Variants in PDGFA observed in about 807,000 individuals in gnomAD.
PDGFA encodes platelet derived growth factor subunit A, also known as platelet-derived growth factor subunit A.
PDGFA carries 9 observed loss-of-function variants against 25.6 expected under a neutral mutation model. The ratio of observed to expected loss-of-function variants is 0.35; its 90% CI spans 0.21 to 0.61. The LOEUF is 0.61. PDGFA is among the 20% of genes least tolerant of loss of function. The pLI is 0.75. For synonymous variants in PDGFA, 133 were observed against 111.8 expected (o/e 1.19, Z -1.20); for missense variants, 242 against 272.8 (o/e 0.89, Z 0.79).
intron 4 of PDGFA, among the ~76,000 whole-genome samples, chr7:504,083 G>A (rs1438481647): frequency 6.6e-6 from 1 of 152,172 alleles, no homozygotes; most frequent in African/African-American, 2.4e-5. Context: ...CCACCCAGGA[G>A]TTGAGGAATA....
chr7:505,706 C>T (rs1360161407), intron 4 of PDGFA, among the ~76,000 whole-genome samples: 3 of 152,222 alleles, frequency 2.0e-5, no homozygotes, highest in Non-Finnish European at 4.4e-5. Context: ...AGGGAAGCCC[C>T]TTGCCCAGAG....
In PDGFA at chr7:517,074, C is replaced by A. The variant is rs113889062; in HGVS notation, c.160+320G>T. ...CGCCCAGGGTCTGGGCCGGATCCTG[C>A]CGCTCCCCCGGCCCGAGGGCAGGCG... On this transcript the variant is annotated intron_variant, in intron 2 of 5. Coordinates refer to ENST00000402802, the Ensembl canonical transcript of PDGFA. The surrounding 1 kb of genome is among the most constrained non-coding windows in gnomAD (Gnocchi z 7.4). Among the ~76,000 whole-genome samples the A allele has an allele frequency of 0.099, 14,999 of 151,476 alleles. 817 individuals carry two copies. The highest frequency in any genetic ancestry group is 0.13 in the Middle Eastern group (38 of 290).
chr7:499,345 C>G (rs1196978138), intron 5 of PDGFA, among the ~76,000 whole-genome samples: 2 of 152,242 alleles, frequency 1.3e-5, no homozygotes, highest in Admixed American at 1.3e-4. Context: ...GGACCTCACC[C>G]GCAGGCCCAA....
At chr7:510,256 C>T (rs895338376) in intron 4 of PDGFA, among the ~76,000 whole-genome samples, 2 of 151,616 alleles carry the variant, frequency 1.3e-5, no homozygotes, top group African/African-American at 4.8e-5. Flanking sequence ...CTTTCCCGCA[C>T]CCCCAGGTGC....
intron 2 of PDGFA, among the ~76,000 whole-genome samples, chr7:514,598 T>G (rs1424177931): frequency 2.0e-5 from 3 of 152,194 alleles, no homozygotes; most frequent in African/African-American, 7.2e-5. Context: ...CCTTTTGTCT[T>G]TTAGGCACAG....
At position 500,701 on chromosome 7, in the gene PDGFA, G is replaced by A. The variant is rs1193749010; in HGVS notation, c.580+415C>T. 9.7e-6 allele frequency: 14 copies of A among 1,443,614 alleles called. No individual in the cohort carries two copies. Among genetic ancestry groups the A allele is most frequent in the Non-Finnish European group, 1.2e-5 (13 of 1,104,272 alleles). The allele number at this position is 1,443,614 out of a possible 1,614,324, so 89.4% of individuals were successfully genotyped here. On this transcript the variant is annotated intron_variant, in intron 5 of 5. Transcript: ENST00000402802. This position sits in a 1 kb window ranked among gnomAD's most constrained non-coding sequence, Gnocchi z 5.0. ...AGAAGCCATTCTGCTCCTGGGTGGAGTCCGCGTGGCGGGGTGAAGGAGAGA... is the reference window on the plus strand; with the variant it reads ...AGAAGCCATTCTGCTCCTGGGTGGAATCCGCGTGGCGGGGTGAAGGAGAGA...
chr7:502,805 C>T (rs1208688007), intron 4 of PDGFA, among the ~76,000 whole-genome samples: 2 of 148,854 alleles, frequency 1.3e-5, no homozygotes, highest in East Asian at 4.0e-4. Flanking sequence ...CACACACACA[C>T]ACACATAATG....
chr7:501,354 G>T, intron 4 of PDGFA, 112 bp from the exon 5 acceptor site: 1 of 1,331,600 alleles, frequency 7.5e-7, no homozygotes, highest in South Asian at 1.2e-5. Flanking sequence ...CCTGACCCCT[G>T]ACCTCCTCCC....
At chr7:503,159 C>A (rs536416655) in intron 4 of PDGFA, among the ~76,000 whole-genome samples, 1 of 152,290 alleles carries the variant, frequency 6.6e-6, no homozygotes, top group South Asian at 2.1e-4. Flanking sequence ...CAAGCTCTAA[C>A]TAAGCCTGTC....
At chr7:501,283 G>C in intron 4 of PDGFA, 41 bp from the exon 5 acceptor site, 1 of 1,611,958 alleles carries the variant, frequency 6.2e-7, no homozygotes, top group Non-Finnish European at 8.5e-7. Flanking sequence ...TGCCTGCATG[G>C]AGCTTCGGAC....
At chr7:503,664 G>A (rs932734245) in intron 4 of PDGFA, among the ~76,000 whole-genome samples, 2 of 152,194 alleles carry the variant, frequency 1.3e-5, no homozygotes, top group Admixed American at 6.5e-5. Context: ...AAGGTAAGCC[G>A]GTCCCTAAGG....
In PDGFA at chr7:500,774, C is replaced by A; in HGVS notation, c.580+342G>T. 1 of 1,441,262 alleles carries A rather than the reference C, an allele frequency of 6.9e-7. No homozygotes were observed. Among genetic ancestry groups the A allele is most frequent in the Non-Finnish European group, 9.1e-7 (1 of 1,099,578 alleles). 89.3% of individuals were successfully genotyped at this position (1,441,262 alleles called of 1,614,324 possible). On this transcript the variant is annotated intron_variant, in intron 5 of 5. Coordinates refer to ENST00000402802, the Ensembl canonical transcript of PDGFA. This position sits in a 1 kb window ranked among gnomAD's most constrained non-coding sequence, Gnocchi z 5.0. ...CAGTCCTCGAACCTGCTCCTCCCGC[C>A]CACCCTGGCAGGAGGCCCTTCTGCA...
rs532220132 is a variant in PDGFA, at chr7:504,357, G to C, written c.454-3115C>G. Among the ~76,000 whole-genome samples the C allele has an allele frequency of 1.5e-4, 23 of 152,188 alleles. No homozygotes were observed. The East Asian group carries it at 4.1e-3, about 27-fold the overall frequency. ...CAAGAGGAGCAGCAGGGCCACCTGG[G>C]ACCTCAGCCACCCCCAGCCCTGCAA... On this transcript the variant is annotated intron_variant, in intron 4 of 5. Coordinates refer to ENST00000402802, the Ensembl canonical transcript of PDGFA.
chr7:511,233 TGGG>T (rs1193026925), intron 3 of PDGFA, among the ~76,000 whole-genome samples: 8 of 117,578 alleles, frequency 6.8e-5, no homozygotes, highest in Admixed American at 4.3e-4. Context: ...CCTGGACAGG[TGGG>T]GCCAGTGGCT....
At chr7:510,925 T>A (rs1380106092) in exon 4 of PDGFA, 5 of 1,612,264 alleles carry the variant, frequency 3.1e-6, no homozygotes, top group Non-Finnish European at 3.4e-6. Flanking sequence ...TTGGCGGACG[T>A]GGGGTCGACC....
exon 1 of PDGFA, chr7:518,957 G>T (rs766989444): frequency 1.3e-6 from 2 of 1,538,912 alleles, no homozygotes; most frequent in East Asian, 2.5e-5. Flanking sequence ...GAACATGGGC[G>T]AGGTATCCGC....
At chr7:512,235 C>T (rs2128401947) in intron 3 of PDGFA, 116 bp downstream of exon 3, 1 of 988,442 alleles carries the variant, frequency 1.0e-6, no homozygotes. Context: ...TGCCTGAGGC[C>T]ACTGCGCTGG....
intron 5 of PDGFA, 109 bp from the exon 6 acceptor site, chr7:498,683 A>G: frequency 2.1e-6 from 2 of 972,954 alleles, no homozygotes; most frequent in South Asian, 2.8e-5. Flanking sequence ...TAACCCAATC[A>G]GGGGCACACA....
chr7:509,486 C>T (rs576579399), intron 4 of PDGFA, among the ~76,000 whole-genome samples: 8 of 152,096 alleles, frequency 5.3e-5, no homozygotes, highest in Admixed American at 2.0e-4. Context: ...AGATGGGGTC[C>T]TGCCATGTTA....
Sources: allele counts gnomAD v4.1 joint callset (sites outside exome capture counted in the v4.1 genomes callset), GRCh38; gene constraint gnomAD v4.1.1; non-coding constraint Gnocchi (gnomAD v3.1); transcripts MANE v1.5; gene names NCBI Gene and HGNC (gene_info 2026-07-23, HGNC 2026-07-21).